Variants in NDST4 observed in about 807,000 individuals in gnomAD.
NDST4 encodes N-deacetylase and N-sulfotransferase 4.
Under a neutral mutation model 100.8 loss-of-function variants are expected in NDST4, and 63 were observed. That is an observed-to-expected ratio of 0.62 (90% confidence interval 0.51 to 0.77). NDST4 has a LOEUF of 0.77. Ranked by LOEUF, NDST4 falls within the 30% of genes least tolerant of loss-of-function variation. The probability of loss-of-function intolerance (pLI) is 0.00; values close to 1 mark genes in which losing one functional copy is unlikely to be tolerated. For synonymous variants in NDST4, 377 were observed against 361.8 expected (o/e 1.04, Z -0.48); for missense variants, 943 against 1,018.4 (o/e 0.93, Z 1.01).
chr4:114,913,339 T>C lies in NDST4; in HGVS notation c.1536+21867A>G, dbSNP rs905338287. 8.6e-5 allele frequency among the ~76,000 whole-genome samples: 13 copies of C among 151,992 alleles called. 1 individual carries two copies. Among genetic ancestry groups the C allele is most frequent in the African/African-American group, 2.9e-4 (12 of 41,424 alleles). On this transcript the variant is annotated intron_variant, in intron 6 of 13. Coordinates refer to ENST00000264363, the MANE Select transcript of NDST4 (RefSeq NM_022569.3). ...AAGAAAACTTGGGACATGAAAAAAATAACTTTCTAAAATTTTCAACAATAG... is the reference window on the plus strand; with the variant it reads ...AAGAAAACTTGGGACATGAAAAAAACAACTTTCTAAAATTTTCAACAATAG...
At chr4:114,924,062 A>C (rs949699042) in intron 6 of NDST4, among the ~76,000 whole-genome samples, 2 of 152,124 alleles carry the variant, frequency 1.3e-5, no homozygotes, top group African/African-American at 4.8e-5. Context: ...ACAATAATAT[A>C]AATCTCTCTC....
intron 2 of NDST4, among the ~76,000 whole-genome samples, chr4:115,003,539 T>A (rs759072645): frequency 7.3e-4 from 111 of 152,264 alleles, no homozygotes; most frequent in Non-Finnish European, 1.4e-3. Context: ...CAAAAATTTT[T>A]AAGAATAAAT....
intron 6 of NDST4, among the ~76,000 whole-genome samples, chr4:114,891,677 T>G (rs1286107861): frequency 2.6e-5 from 4 of 152,110 alleles, no homozygotes; most frequent in Non-Finnish European, 5.9e-5. Context: ...GTTCTAGAAC[T>G]TCATTCAGCA....
chr4:114,952,100 C>T (rs1239996098), intron 4 of NDST4, among the ~76,000 whole-genome samples: 2 of 151,930 alleles, frequency 1.3e-5, no homozygotes, highest in East Asian at 3.9e-4. Context: ...CATTTAAAAG[C>T]ATAAGACTAC....
At chr4:114,841,091 C>T (rs963493343) in intron 10 of NDST4, among the ~76,000 whole-genome samples, 1 of 150,600 alleles carries the variant, frequency 6.6e-6, no homozygotes, top group African/African-American at 2.5e-5. Flanking sequence ...CTACCTTAAG[C>T]AGTGATAATA....
intron 2 of NDST4, among the ~76,000 whole-genome samples, chr4:115,013,434 G>C (rs1377283352): frequency 7.0e-6 from 1 of 143,816 alleles, no homozygotes; most frequent in Admixed American, 7.2e-5. Context: ...ATAACACACT[G>C]TTAATCTTTC....
At chr4:114,982,302 A>G (rs1230186927) in intron 2 of NDST4, among the ~76,000 whole-genome samples, 1 of 152,202 alleles carries the variant, frequency 6.6e-6, no homozygotes, top group Non-Finnish European at 1.5e-5. Context: ...TTGTGACCAA[A>G]ATGCTGATAG....
chr4:115,069,465 C>T (rs1420839588), intron 2 of NDST4, among the ~76,000 whole-genome samples: 1 of 152,044 alleles, frequency 6.6e-6, no homozygotes, highest in Admixed American at 6.5e-5. Flanking sequence ...AAGAAAAAAA[C>T]AAACAACCCA....
intron 6 of NDST4, among the ~76,000 whole-genome samples, chr4:114,891,607 TTTTAA>T (rs1724599410): frequency 6.6e-6 from 1 of 152,126 alleles, no homozygotes; most frequent in Non-Finnish European, 1.5e-5. Context: ...TACAGAGTCT[TTTTAA>T]TATCTCTTTA....
At chr4:114,962,487 T>A (rs971393741) in intron 4 of NDST4, among the ~76,000 whole-genome samples, 1 of 152,046 alleles carries the variant, frequency 6.6e-6, no homozygotes. Flanking sequence ...AAGAGCCATA[T>A]ACAAATATCA....
At chr4:114,889,149 CAT>C (rs1560796758) in intron 6 of NDST4, among the ~76,000 whole-genome samples, 1 of 152,084 alleles carries the variant, frequency 6.6e-6, no homozygotes, top group Non-Finnish European at 1.5e-5. Context: ...TACAAAAGCA[CAT>C]GTGTTTGAGC....
intron 2 of NDST4, among the ~76,000 whole-genome samples, chr4:115,068,815 CA>C (rs34003720): frequency 0.32 from 24,390 of 77,410 alleles, 2,135 homozygotes; most frequent in East Asian, 0.5. Context: ...GGCTCCATCT[CA>C]AAAAAAAAAA....
chr4:115,003,168 G>A (rs1249152231), intron 2 of NDST4, among the ~76,000 whole-genome samples: 1 of 152,104 alleles, frequency 6.6e-6, no homozygotes, highest in African/African-American at 2.4e-5. Flanking sequence ...GATGGGTGCA[G>A]CAAAGCACCA....
intron 2 of NDST4, among the ~76,000 whole-genome samples, chr4:115,056,024 T>C (rs1166480801): frequency 6.6e-6 from 1 of 152,158 alleles, no homozygotes; most frequent in East Asian, 1.9e-4. Context: ...GCATTACTGA[T>C]AATATAATTA....
chr4:115,067,328 C>T (rs139458747), intron 2 of NDST4, among the ~76,000 whole-genome samples: 1 of 152,240 alleles, frequency 6.6e-6, no homozygotes, highest in African/African-American at 2.4e-5. Context: ...CTCATTGAGT[C>T]TGAGGTATGA....
At chr4:114,993,093 A>G (rs1238733801) in intron 2 of NDST4, among the ~76,000 whole-genome samples, 2 of 151,964 alleles carry the variant, frequency 1.3e-5, no homozygotes, top group Non-Finnish European at 2.9e-5. Context: ...GTAAGTGCTT[A>G]GAATTTCAAA....
chr4:114,993,786 A>T (rs1379026141), intron 2 of NDST4, among the ~76,000 whole-genome samples: 1 of 151,942 alleles, frequency 6.6e-6, no homozygotes, highest in Admixed American at 6.6e-5. Context: ...TTGCTTTTCT[A>T]GTTTTCAGTT....
intron 2 of NDST4, among the ~76,000 whole-genome samples, chr4:115,054,895 G>C (rs1363510473): frequency 2.6e-5 from 4 of 152,094 alleles, no homozygotes; most frequent in South Asian, 4.2e-4. Flanking sequence ...GCTTATTTGA[G>C]GGTTCCTCCA....
At chr4:114,916,732 G>T (rs1262423835) in intron 6 of NDST4, among the ~76,000 whole-genome samples, 1 of 149,426 alleles carries the variant, frequency 6.7e-6, no homozygotes, top group African/African-American at 2.5e-5. Context: ...TTACCATGTT[G>T]CCCAGCCTGG....
Sources: gnomAD v4.1 joint callset for allele counts (sites outside exome capture counted in the v4.1 genomes callset) on GRCh38, gnomAD v4.1.1 for gene constraint, MANE v1.5 for transcripts, NCBI Gene and HGNC (gene_info 2026-07-23, HGNC 2026-07-21) for gene names.